Variants in HIPK2 observed in about 807,000 individuals in gnomAD.
HIPK2 encodes homeodomain-interacting protein kinase 2.
In HIPK2, 27 loss-of-function variants were observed where a neutral mutation model predicts 113.7. The observed-to-expected ratio is 0.24, with a 90% confidence interval of 0.17 to 0.33. HIPK2 has a LOEUF of 0.33. Ranked by LOEUF, HIPK2 falls within the 10% of genes least tolerant of loss-of-function variation. The pLI, the probability that HIPK2 is intolerant of heterozygous loss-of-function variation, is 1.00. For synonymous variants in HIPK2, 631 were observed against 642.2 expected, an observed-to-expected ratio of 0.98 and a Z score of 0.26; for missense variants, 1,257 against 1,588.0, an observed-to-expected ratio of 0.79 and a Z score of 3.54.
At chr7:139,602,972 C>T (rs555836547) in intron 10 of HIPK2, among the ~76,000 whole-genome samples, 1 of 152,192 alleles carries the variant, frequency 6.6e-6, no homozygotes, top group South Asian at 2.1e-4. Context: ...TGGAGTCTCA[C>T]TCTGTTGCCC....
chr7:139,682,499 G>A (rs1016269641), intron 2 of HIPK2, among the ~76,000 whole-genome samples: 2 of 152,216 alleles, frequency 1.3e-5, no homozygotes, highest in African/African-American at 2.4e-5. Context: ...CTTACGGGAA[G>A]CTTTCCCTCA....
At position 139,630,618 on chromosome 7, in the gene HIPK2, G is replaced by A. The variant is rs751906466; in HGVS notation, c.1347+547C>T. On this transcript the variant is annotated intron_variant, in intron 4 of 14. Coordinates refer to ENST00000406875, the MANE Select transcript of HIPK2 (RefSeq NM_022740.5). The surrounding 1 kb of genome is among the most constrained non-coding windows in gnomAD (Gnocchi z 4.0). ...TCACCATGTTGGCCAGGCTGGTCTC[G>A]AATTCATGACCTCAAGTGATCCACC... Among the ~76,000 whole-genome samples the A allele has an allele frequency of 1.4e-4, 22 of 152,206 alleles. No individual in the cohort carries two copies. Among genetic ancestry groups the A allele is most frequent in the African/African-American group, 5.1e-4 (21 of 41,512 alleles).
chr7:139,618,656 TG>T (rs1800137075), intron 7 of HIPK2, among the ~76,000 whole-genome samples: 2 of 152,098 alleles, frequency 1.3e-5, no homozygotes, highest in African/African-American at 4.8e-5. Context: ...AAGATGGCGG[TG>T]GCCCCCCACC....
intron 2 of HIPK2, among the ~76,000 whole-genome samples, chr7:139,707,725 T>C (rs944112192): frequency 6.6e-6 from 1 of 152,154 alleles, no homozygotes; most frequent in African/African-American, 2.4e-5. Flanking sequence ...TCTTCGGAAT[T>C]CAAAAAATTA....
At chr7:139,757,892 G>A (rs1296975383) in intron 1 of HIPK2, among the ~76,000 whole-genome samples, 1 of 152,116 alleles carries the variant, frequency 6.6e-6, no homozygotes, top group African/African-American at 2.4e-5. Context: ...GAAATAAATA[G>A]TCCTCATATG....
intron 1 of HIPK2, among the ~76,000 whole-genome samples, chr7:139,768,458 A>G (rs935353328): frequency 2.6e-5 from 4 of 152,022 alleles, no homozygotes; most frequent in African/African-American, 9.7e-5. Flanking sequence ...TTTTTTTTTA[A>G]AGCTGCTTAA....
chr7:139,592,051 T>C (rs1222350296), intron 12 of HIPK2, among the ~76,000 whole-genome samples: 1 of 152,282 alleles, frequency 6.6e-6, no homozygotes, highest in Admixed American at 6.5e-5. Flanking sequence ...CTGCAGTTTA[T>C]CAGTTTTCTA....
intron 2 of HIPK2, among the ~76,000 whole-genome samples, chr7:139,666,702 A>G (rs955547189): frequency 6.6e-6 from 1 of 152,226 alleles, no homozygotes; most frequent in Non-Finnish European, 1.5e-5. Flanking sequence ...AAGTGCTGAT[A>G]TAACAAAAAG....
In HIPK2 at chr7:139,613,309, G is replaced by A. The variant is rs1187851597; in HGVS notation, c.2005C>T (p.Pro669Ser). ...ACCGAGTAGCCAGCGTGCTTAGAGG[G>A]AGAGGCCTGCAAGCCTGTTCCAGAC... is the stretch of plus-strand genomic sequence containing the variant. ...PPGFQGLQAS[P>S]SKHAGYSVRM... The change falls in exon 9 of 15, where the codon CCC (proline) becomes TCC (serine). Residue 669 changes from proline (P) to serine (S), a missense_variant. Around this residue, in one of 5 missense-constraint regions of HIPK2, gnomAD observed 862 missense variants for 1,004.3 expected, o/e 0.86. Coordinates refer to ENST00000406875, the MANE Select transcript of HIPK2 (RefSeq NM_022740.5). This position sits in a 1 kb window ranked among gnomAD's most constrained non-coding sequence, Gnocchi z 4.2. The A allele has an allele frequency of 1.2e-6, 2 of 1,613,552 alleles. No homozygotes were observed. Among genetic ancestry groups the A allele is most frequent in the South Asian group, 2.2e-5 (2 of 90,952 alleles).
At chr7:139,704,640 G>T (rs925741232) in intron 2 of HIPK2, among the ~76,000 whole-genome samples, 1 of 152,088 alleles carries the variant, frequency 6.6e-6, no homozygotes, top group Non-Finnish European at 1.5e-5. Context: ...ACACACAGAC[G>T]TGCTCTGTCT....
At chr7:139,727,461 T>G (rs773567358) in intron 1 of HIPK2, among the ~76,000 whole-genome samples, 3 of 152,262 alleles carry the variant, frequency 2.0e-5, no homozygotes, top group Non-Finnish European at 4.4e-5. Flanking sequence ...ATCTTTTATG[T>G]CATCTGCCTT....
intron 2 of HIPK2, among the ~76,000 whole-genome samples, chr7:139,698,850 A>G (rs1330376451): frequency 1.3e-5 from 2 of 152,210 alleles, no homozygotes; most frequent in African/African-American, 4.8e-5. Context: ...ACACAGCTAT[A>G]GAACAAAAGT....
At chr7:139,749,476 T>G (rs559478862) in intron 1 of HIPK2, among the ~76,000 whole-genome samples, 2 of 139,844 alleles carry the variant, frequency 1.4e-5, no homozygotes, top group Middle Eastern at 3.6e-3. Context: ...TGAATTTGTC[T>G]CTCTATGCCT....
chr7:139,711,061 GAAT>G (rs1299714435), intron 2 of HIPK2, among the ~76,000 whole-genome samples: 2 of 151,126 alleles, frequency 1.3e-5, no homozygotes, highest in Non-Finnish European at 2.9e-5. Flanking sequence ...TGCAAGAATG[GAAT>G]AATACACACC....
intron 1 of HIPK2, among the ~76,000 whole-genome samples, chr7:139,731,874 T>C (rs1461639631): frequency 6.6e-6 from 1 of 152,182 alleles, no homozygotes; most frequent in Non-Finnish European, 1.5e-5. Context: ...TTCATTCCCC[T>C]CAGTTGCCTT....
At chr7:139,695,094 A>G (rs1794525113) in intron 2 of HIPK2, among the ~76,000 whole-genome samples, 1 of 152,226 alleles carries the variant, frequency 6.6e-6, no homozygotes, top group African/African-American at 2.4e-5. Context: ...TCAAGAAAAC[A>G]AAACGCCTGT....
intron 2 of HIPK2, among the ~76,000 whole-genome samples, chr7:139,671,131 A>G (rs188257121): frequency 1.3e-5 from 2 of 152,250 alleles, no homozygotes; most frequent in East Asian, 3.9e-4. Context: ...TAACACTTTA[A>G]AACTCCACAA....
chr7:139,761,426 C>T (rs1365558359), intron 1 of HIPK2, among the ~76,000 whole-genome samples: 1 of 152,216 alleles, frequency 6.6e-6, no homozygotes, highest in Admixed American at 6.5e-5. Context: ...ATCTCAGCAT[C>T]CCCAGTAGTG....
Position 139,777,946 on chromosome 7 carries a change from G to A in HIPK2, c.-323C>T, listed in dbSNP as rs1217154223. On this transcript the variant is annotated 5_prime_UTR_variant, in exon 1 of 15. Coordinates refer to ENST00000406875, the MANE Select transcript of HIPK2 (RefSeq NM_022740.5). ...CGGCCCCCGAGCGGATCCGCGGAGGGGCGGGAGCCGGGGGCAGCGCGCGGC... is the reference window on the plus strand; with the variant it reads ...CGGCCCCCGAGCGGATCCGCGGAGGAGCGGGAGCCGGGGGCAGCGCGCGGC... 6.9e-6 allele frequency among the ~76,000 whole-genome samples: 1 copy of A among 145,428 alleles called. No homozygotes were observed. Among genetic ancestry groups the A allele is most frequent in the Non-Finnish European group, 1.5e-5 (1 of 65,360 alleles).
Sources: gnomAD v4.1 joint callset for allele counts (sites outside exome capture counted in the v4.1 genomes callset) on GRCh38, gnomAD v4.1.1 for gene constraint, gnomAD v4.1.1 regional missense constraint, Gnocchi (gnomAD v3.1) non-coding constraint, MANE v1.5 for transcripts, NCBI Gene and HGNC (gene_info 2026-07-23, HGNC 2026-07-21) for gene names.